The following CCDC91 variants were observed in gnomAD, a reference collection of about 807,000 sequenced individuals.
The protein encoded by CCDC91 is coiled-coil domain containing 91.
A neutral mutation model predicts 63.2 loss-of-function variants in CCDC91; 48 were observed. The ratio of observed to expected loss-of-function variants is 0.76; its 90% CI spans 0.60 to 0.97. The LOEUF is 0.97. Ranked by LOEUF, CCDC91 falls within the 50% of genes least tolerant of loss-of-function variation. The pLI is 0.00. For synonymous variants in CCDC91, 167 were observed against 165.8 expected, an observed-to-expected ratio of 1.01 and a Z score of -0.06; for missense variants, 500 against 494.6, an observed-to-expected ratio of 1.01 and a Z score of -0.10.
intron 11 of CCDC91, among the ~76,000 whole-genome samples, chr12:28,479,211 C>T (rs923832273): frequency 6.6e-6 from 1 of 152,076 alleles, no homozygotes; most frequent in Admixed American, 6.6e-5. Context: ...TTGGAACCAA[C>T]CCAAATGTCC....
intron 12 of CCDC91, among the ~76,000 whole-genome samples, chr12:28,504,769 C>G (rs1442797063): frequency 6.6e-6 from 1 of 151,914 alleles, no homozygotes; most frequent in African/African-American, 2.4e-5. Context: ...TCTTACGCAT[C>G]TGTTTCACTT....
chr12:28,420,090 A>G (rs1947912127), intron 8 of CCDC91, among the ~76,000 whole-genome samples: 1 of 152,076 alleles, frequency 6.6e-6, no homozygotes. Flanking sequence ...TGTAAGATAG[A>G]TAGTAGAGGT....
intron 12 of CCDC91, among the ~76,000 whole-genome samples, chr12:28,488,095 A>T (rs1951816960): frequency 6.6e-6 from 1 of 151,810 alleles, no homozygotes; most frequent in African/African-American, 2.4e-5. Context: ...TTAATCAGTT[A>T]TCCATTCCTG....
intron 6 of CCDC91, among the ~76,000 whole-genome samples, chr12:28,321,666 T>C (rs1179716856): frequency 2.6e-5 from 4 of 151,822 alleles, no homozygotes; most frequent in African/African-American, 9.7e-5. Flanking sequence ...AGTGAGAAAG[T>C]AGCTGTTTTA....
At chr12:28,521,399 T>G (rs1209984855) in intron 12 of CCDC91, among the ~76,000 whole-genome samples, 4 of 152,178 alleles carry the variant, frequency 2.6e-5, no homozygotes, top group Non-Finnish European at 5.9e-5. Flanking sequence ...ATAAGAATGC[T>G]TGTGATTTTT....
At chr12:28,475,545 G>C (rs924876005) in intron 11 of CCDC91, among the ~76,000 whole-genome samples, 2 of 152,070 alleles carry the variant, frequency 1.3e-5, no homozygotes, top group African/African-American at 4.8e-5. Context: ...GGCCTTGATT[G>C]AGAACAATAC....
chr12:28,448,821 C>T (rs574199112), intron 8 of CCDC91, among the ~76,000 whole-genome samples: 1 of 151,886 alleles, frequency 6.6e-6, no homozygotes, highest in Non-Finnish European at 1.5e-5. Flanking sequence ...AATTATTTGC[C>T]TGGTATAATA....
At chr12:28,509,225 C>T (rs1939097256) in intron 12 of CCDC91, among the ~76,000 whole-genome samples, 1 of 151,864 alleles carries the variant, frequency 6.6e-6, no homozygotes, top group Admixed American at 6.6e-5. Flanking sequence ...GGTTCTGTCT[C>T]CTCTTGATCT....
intron 8 of CCDC91, among the ~76,000 whole-genome samples, chr12:28,432,989 CA>C (rs1334237839): frequency 6.6e-6 from 1 of 152,010 alleles, no homozygotes; most frequent in Non-Finnish European, 1.5e-5. Flanking sequence ...AACATCTTTT[CA>C]TATGCTTATT....
intron 12 of CCDC91, among the ~76,000 whole-genome samples, chr12:28,543,262 G>A (rs1942757687): frequency 6.6e-6 from 1 of 152,056 alleles, no homozygotes; most frequent in African/African-American, 2.4e-5. Flanking sequence ...AAGTGTGGGG[G>A]TAGGACTTGA....
chr12:28,374,156 AC>A (rs1301051373), intron 7 of CCDC91, among the ~76,000 whole-genome samples: 1 of 151,408 alleles, frequency 6.6e-6, no homozygotes, highest in Non-Finnish European at 1.5e-5. Context: ...CAGAAGTTCC[AC>A]CCCCCTTTCC....
intron 3 of CCDC91, among the ~76,000 whole-genome samples, chr12:28,287,385 A>G (rs1948978698): frequency 6.6e-6 from 1 of 152,086 alleles, no homozygotes; most frequent in African/African-American, 2.4e-5. Context: ...TAATTTTTGT[A>G]TATAGTGTAA....
intron 11 of CCDC91, among the ~76,000 whole-genome samples, chr12:28,478,894 C>G (rs1012487901): frequency 1.3e-5 from 2 of 151,956 alleles, no homozygotes; most frequent in Non-Finnish European, 2.9e-5. Context: ...AGAGAAATGC[C>G]AATCAAAACC....
chr12:28,359,782 C>CTTTTT (rs1565853546), intron 6 of CCDC91, among the ~76,000 whole-genome samples: 26 of 152,066 alleles, frequency 1.7e-4, no homozygotes, highest in African/African-American at 6.0e-4. Flanking sequence ...CAGAATATTT[C>CTTTTT]TATTTACTTT....
intron 6 of CCDC91, among the ~76,000 whole-genome samples, chr12:28,356,016 T>C (rs1485311489): frequency 1.3e-5 from 2 of 152,196 alleles, no homozygotes; most frequent in African/African-American, 4.8e-5. Context: ...CTGATTCTTA[T>C]CATGTGTGTT....
At chr12:28,300,825 A>AACACC (rs1937994450) in intron 3 of CCDC91, among the ~76,000 whole-genome samples, 1 of 151,462 alleles carries the variant, frequency 6.6e-6, no homozygotes, top group African/African-American at 2.4e-5. Context: ...TTCTTGCTAA[A>AACACC]TTTATTCTTA....
intron 6 of CCDC91, among the ~76,000 whole-genome samples, chr12:28,335,906 G>T (rs1260795513): frequency 6.7e-6 from 1 of 150,016 alleles, no homozygotes; most frequent in East Asian, 1.9e-4. Context: ...CATGTAGACA[G>T]TGTTGCATCA....
chr12:28,297,950 A>G (rs1949655603), intron 3 of CCDC91, among the ~76,000 whole-genome samples: 1 of 151,748 alleles, frequency 6.6e-6, no homozygotes, highest in Non-Finnish European at 1.5e-5. Flanking sequence ...CGTGGACAAT[A>G]TTTACTAGGA....
chr12:28,483,526 C>T (rs1951555573), intron 11 of CCDC91, among the ~76,000 whole-genome samples: 1 of 152,058 alleles, frequency 6.6e-6, no homozygotes. Context: ...ATTTCAAATA[C>T]TAGCACACTG....
Sources: allele counts gnomAD v4.1 joint callset (sites outside exome capture counted in the v4.1 genomes callset), GRCh38; gene constraint gnomAD v4.1.1; transcripts MANE v1.5; gene names NCBI Gene and HGNC (gene_info 2026-07-23, HGNC 2026-07-21).